CFAP221: variants seen among roughly 807,000 people sequenced by gnomAD.
The protein encoded by CFAP221 is cilia and flagella associated protein 221, also known as cilia- and flagella-associated protein 221.
Under a neutral mutation model 113.1 loss-of-function variants are expected in CFAP221, and 97 were observed. The ratio of observed to expected loss-of-function variants is 0.86; its 90% confidence interval spans 0.73 to 1.02. CFAP221 has a LOEUF of 1.02. CFAP221 is among the 50% of genes least tolerant of loss of function. The pLI is 0.00. For synonymous variants in CFAP221, 331 were observed against 354.4 expected (o/e 0.93, Z 0.74); for missense variants, 1,025 against 1,013.4 (o/e 1.01, Z -0.16).
At chr2:119,645,250 T>A (rs1217432401) in intron 21 of CFAP221, among the ~76,000 whole-genome samples, 1 of 151,570 alleles carries the variant, frequency 6.6e-6, no homozygotes, top group Non-Finnish European at 1.5e-5. Context: ...TCTTATTGAT[T>A]TAATTTTATT....
chr2:119,604,681 G>A lies in CFAP221; in HGVS notation c.801G>A (p.Glu267=), dbSNP rs1221856892. ...CYPNMALPLE[E]FERLNTLSKK... ...TTGTTTTAACCTATAGATTAGAAGA[G>A]TTTGAAAGGTTGAATACCCTTTCTA... Residue 267 remains glutamate (E), a synonymous_variant, in exon 9 of 24, where the codon GAG becomes GAA. Coordinates refer to ENST00000413369, the MANE Select transcript of CFAP221 (RefSeq NM_001271049.2). The A allele has an allele frequency of 5.8e-6, 9 of 1,557,662 alleles. No homozygotes were observed. The highest frequency in any genetic ancestry group is 6.9e-6 in the Non-Finnish European group (8 of 1,159,096).
At chr2:119,647,837 C>T (rs1436365170) in intron 22 of CFAP221, among the ~76,000 whole-genome samples, 1 of 152,190 alleles carries the variant, frequency 6.6e-6, no homozygotes, top group Non-Finnish European at 1.5e-5. Context: ...AATTAACCAA[C>T]ATAGCATAAG....
chr2:119,651,666 C>G (rs1457264345), intron 22 of CFAP221, among the ~76,000 whole-genome samples: 2 of 152,092 alleles, frequency 1.3e-5, no homozygotes, highest in Admixed American at 1.3e-4. Flanking sequence ...CTTTATAGCC[C>G]AAGATATGGT....
chr2:119,569,376 C>G (rs901506793), intron 6 of CFAP221, among the ~76,000 whole-genome samples: 3 of 151,990 alleles, frequency 2.0e-5, no homozygotes, highest in Admixed American at 1.3e-4. Context: ...CCTCGACCTC[C>G]CAAAGTGCTG....
At chr2:119,584,503 C>G (rs545567677) in intron 6 of CFAP221, among the ~76,000 whole-genome samples, 4 of 152,142 alleles carry the variant, frequency 2.6e-5, no homozygotes, top group Admixed American at 2.6e-4. Flanking sequence ...GGGAGGATCA[C>G]TTCAGCCCAG....
Position 119,601,378 on chromosome 2 carries a change from G to A in CFAP221, c.791+1G>A, listed in dbSNP as rs770962526. On this transcript the variant is annotated splice_donor_variant, in intron 8 of 23. Coordinates refer to ENST00000413369, the MANE Select transcript of CFAP221 (RefSeq NM_001271049.2). LOFTEE classifies it high-confidence loss of function. The stretch of plus-strand genomic sequence containing the variant: ...CATGCTATCCCAACATGGCCTTACC[G>A]TATGGCGTCTTTGCAGTGTTTTTGT... 1.0e-5 allele frequency: 15 copies of A among 1,506,646 alleles called. No individual in the cohort carries two copies. Among genetic ancestry groups the A allele is most frequent in the East Asian group, 2.5e-5 (1 of 40,166 alleles). The allele number at this position is 1,506,646 out of a possible 1,614,324, so 93.3% of individuals were successfully genotyped here. A position where few individuals can be genotyped will look rare whatever the true frequency, so the allele number is the denominator to read the frequency against.
In CFAP221 at chr2:119,612,729, G is replaced by C. The variant is rs1192971881; in HGVS notation, c.1311+987G>C. 5.3e-5 allele frequency among the ~76,000 whole-genome samples: 8 copies of C among 152,250 alleles called. No homozygotes were observed. The East Asian group carries it at 1.5e-3, about 29-fold the overall frequency. On this transcript the variant is annotated intron_variant, in intron 13 of 23. Coordinates refer to ENST00000413369, the MANE Select transcript of CFAP221 (RefSeq NM_001271049.2). ...TTATGGAAACTACAATTCAAGACGG[G>C]ATTTGGGTGGGAACACAGCCAAACC...
rs756497956 is a variant in CFAP221, at chr2:119,656,465, GAATGAAAGTC to G, written c.2520_*6del. Reference sequence around the variant, plus strand: ...AGCACTCAACACATACCTGATTCTAGAATGAAAGTCACCAGTAGGTCAGTCCCTTCCATTT... The same window carrying G: ...AGCACTCAACACATACCTGATTCTAGACCAGTAGGTCAGTCCCTTCCATTT... On this transcript the variant is annotated stop_lost and 3_prime_UTR_variant, in exon 24 of 24. Coordinates refer to ENST00000413369, the MANE Select transcript of CFAP221 (RefSeq NM_001271049.2). 1.2e-6 allele frequency: 2 copies of G among 1,612,244 alleles called. No individual in the cohort carries two copies. Among genetic ancestry groups the G allele is most frequent in the Non-Finnish European group, 1.7e-6 (2 of 1,178,534 alleles).
chr2:119,599,932 G>C (rs1432016301), intron 7 of CFAP221, among the ~76,000 whole-genome samples: 2 of 152,090 alleles, frequency 1.3e-5, no homozygotes, highest in African/African-American at 2.4e-5. Context: ...TGAAGGAAAG[G>C]CCCATGTGGT....
chr2:119,553,570 C>T (rs754408712), intron 3 of CFAP221, among the ~76,000 whole-genome samples: 1 of 152,262 alleles, frequency 6.6e-6, no homozygotes, highest in Non-Finnish European at 1.5e-5. Context: ...ATGAGAGAAA[C>T]TAAATACTAA....
chr2:119,613,930 T>A (rs1459552335), intron 13 of CFAP221, among the ~76,000 whole-genome samples: 1 of 152,150 alleles, frequency 6.6e-6, no homozygotes, highest in Non-Finnish European at 1.5e-5. Flanking sequence ...CCAAACCATA[T>A]CTTCGTGAAT....
chr2:119,642,360 A>G (rs1477034572), intron 21 of CFAP221, among the ~76,000 whole-genome samples: 1 of 152,136 alleles, frequency 6.6e-6, no homozygotes, highest in Non-Finnish European at 1.5e-5. Flanking sequence ...ATAAAATACC[A>G]TAGATGTAAT....
intron 6 of CFAP221, among the ~76,000 whole-genome samples, chr2:119,565,161 T>C (rs946343893): frequency 2.0e-5 from 3 of 152,132 alleles, no homozygotes; most frequent in African/African-American, 7.2e-5. Flanking sequence ...CAGTACTTCC[T>C]CCTTCCCACT....
At chr2:119,656,724 A>G (rs1040345142), downstream of CFAP221, 2 of 260,494 alleles carry the variant, frequency 7.7e-6, no homozygotes, top group African/African-American at 4.5e-5. Flanking sequence ...ACATGTGATG[A>G]GAGACTAAGA....
chr2:119,638,383 T>A lies in CFAP221; in HGVS notation c.2099T>A (p.Ile700Asn). Residue 700 changes from isoleucine (I) to asparagine (N), a missense_variant, in exon 20 of 24, where the codon ATT becomes AAT. Coordinates refer to ENST00000413369, the MANE Select transcript of CFAP221 (RefSeq NM_001271049.2). The part of the protein sequence containing the change: ...FTKESRHGSS[I>N]PVTQKQFLHH... ...AAAGAGTCCCGCCACGGGTCCAGCATTCCTGTCACCCAAAAGCAGTTTCTC... is the reference window on the plus strand; with the variant it reads ...AAAGAGTCCCGCCACGGGTCCAGCAATCCTGTCACCCAAAAGCAGTTTCTC... The A allele has an allele frequency of 6.2e-7, 1 of 1,614,172 alleles. No homozygotes were observed. The highest frequency in any genetic ancestry group is 8.5e-7 in the Non-Finnish European group (1 of 1,180,032).
chr2:119,627,900 A>G, intron 16 of CFAP221, 114 bp downstream of exon 16: 1 of 1,395,474 alleles, frequency 7.2e-7, no homozygotes, highest in Non-Finnish European at 9.8e-7. Flanking sequence ...CAGAGGCTCC[A>G]AAGGAAGATG....
chr2:119,639,163 A>C (rs1455047052), intron 20 of CFAP221, among the ~76,000 whole-genome samples: 1 of 152,162 alleles, frequency 6.6e-6, no homozygotes, highest in East Asian at 1.9e-4. Flanking sequence ...CTGCTGCTGC[A>C]GTCAGCCTTC....
intron 7 of CFAP221, among the ~76,000 whole-genome samples, chr2:119,594,221 G>A (rs1382322007): frequency 1.3e-5 from 2 of 151,924 alleles, no homozygotes; most frequent in African/African-American, 2.4e-5. Flanking sequence ...GTGTCCTGAG[G>A]TTGTCCTCTT....
At chr2:119,652,443 C>T (rs1452077378) in intron 23 of CFAP221, among the ~76,000 whole-genome samples, 1 of 152,214 alleles carries the variant, frequency 6.6e-6, no homozygotes, top group Non-Finnish European at 1.5e-5. Flanking sequence ...TTGTCCTTAT[C>T]AACTCTGAGC....
Sources: allele counts gnomAD v4.1 joint callset (sites outside exome capture counted in the v4.1 genomes callset), GRCh38; gene constraint gnomAD v4.1.1; transcripts MANE v1.5; gene names NCBI Gene and HGNC (gene_info 2026-07-23, HGNC 2026-07-21).